LPO: variants seen among roughly 807,000 people sequenced by gnomAD.
LPO encodes the protein salivary peroxidase.
LPO carries 70 observed loss-of-function variants against 68.4 expected under a neutral mutation model. That is an observed-to-expected ratio of 1.02 (90% CI 0.84 to 1.25). LPO has a LOEUF of 1.25. Ranked by LOEUF, LPO falls within the 50% of genes most tolerant of loss-of-function variation. The pLI is 0.00. For synonymous variants in LPO, 360 were observed against 357.6 expected, an observed-to-expected ratio of 1.01 and a Z score of -0.08; for missense variants, 873 against 908.4, an observed-to-expected ratio of 0.96 and a Z score of 0.50.
intron 6 of LPO, 122 bp downstream of exon 6, chr17:58,249,817 C>T (rs1233947719): frequency 7.6e-7 from 1 of 1,319,962 alleles, no homozygotes; most frequent in Non-Finnish European, 9.9e-7. Context: ...CGATGGAGAT[C>T]TGCACAGACC....
At chr17:58,239,711 G>T (rs1437359303) in intron 1 of LPO, among the ~76,000 whole-genome samples, 1 of 152,078 alleles carries the variant, frequency 6.6e-6, no homozygotes, top group African/African-American at 2.4e-5. Flanking sequence ...GAAGGCCTTG[G>T]TACTCAGAGT....
chr17:58,245,564 G>C (rs1969838006), intron 3 of LPO, among the ~76,000 whole-genome samples: 1 of 152,116 alleles, frequency 6.6e-6, no homozygotes, highest in Admixed American at 6.5e-5. Flanking sequence ...AAGACTAGCA[G>C]CTTCGCCCTA....
intron 9 of LPO, among the ~76,000 whole-genome samples, chr17:58,263,894 G>T (rs566065336): frequency 6.6e-6 from 1 of 152,256 alleles, no homozygotes; most frequent in African/African-American, 2.4e-5. Context: ...GTGTTTGGGG[G>T]CTTCCCACTC....
chr17:58,266,844 C>G (rs8178405), intron 11 of LPO, among the ~76,000 whole-genome samples: 1 of 152,170 alleles, frequency 6.6e-6, no homozygotes, highest in Non-Finnish European at 1.5e-5. Context: ...ATATCTGGTA[C>G]TATCTTGGCA....
In LPO at chr17:58,252,364, C is replaced by T; in HGVS notation, c.963C>T (p.Arg321=). The T allele has an allele frequency of 6.2e-7, 1 of 1,614,216 alleles. No individual in the cohort carries two copies. The change falls in exon 8 of 13, where the codon CGC becomes CGT. Residue 321 remains arginine, a synonymous_variant. Transcript: ENST00000262290. ...SSEPSLASRL[R]NLSSPLGLMA... The stretch of plus-strand genomic sequence containing the variant: ...AGCCAAGCCTGGCCAGCCGCCTCCG[C>T]AACCTCAGCAGCCCCCTGGGCCTCA...
chr17:58,254,552 G>A (rs1370592399), intron 8 of LPO: 2 of 344,848 alleles, frequency 5.8e-6, no homozygotes, highest in East Asian at 5.2e-5. Context: ...CATTTTCATA[G>A]GTAAGGAGAC....
intron 9 of LPO, among the ~76,000 whole-genome samples, chr17:58,257,041 A>G (rs1598029071): frequency 9.0e-6 from 1 of 111,042 alleles, no homozygotes. Flanking sequence ...TCTGTTGCCC[A>G]GGCTTCCTCA....
intron 7 of LPO, chr17:58,251,939 C>A: frequency 1.4e-6 from 1 of 726,416 alleles, no homozygotes; most frequent in Non-Finnish European, 2.5e-6. Context: ...AAATTTGGAG[C>A]CCTCACTGTG....
At chr17:58,253,328 C>T (rs566512366) in intron 8 of LPO, among the ~76,000 whole-genome samples, 6 of 152,228 alleles carry the variant, frequency 3.9e-5, no homozygotes, top group African/African-American at 1.4e-4. Context: ...TTTCTCAATC[C>T]TACTTGGGGG....
In LPO at chr17:58,268,371, C is replaced by A. The variant is rs533880673; in HGVS notation, c.*377C>A. ...AGGACTTCAGCCTGCCTCCGAGGGT[C>A]CCCTGTGGCACCTAGCATGGTGCAC... On this transcript the variant is annotated 3_prime_UTR_variant, in exon 13 of 13. Coordinates refer to ENST00000262290, the MANE Select transcript of LPO (RefSeq NM_006151.3). The A allele has an allele frequency of 2.5e-4, 71 of 281,094 alleles. No individual in the cohort carries two copies. Among genetic ancestry groups the A allele is most frequent in the Middle Eastern group, 1.2e-3 (1 of 828 alleles). The allele number at this position is 281,094 out of a possible 1,614,324, so 17.4% of individuals were successfully genotyped here.
At position 58,253,727 on chromosome 17, in the gene LPO, A is replaced by G. The variant is rs544347326; in HGVS notation, c.1106-1084A>G. Reference sequence around the variant, plus strand: ...TATAGATCTTTTGGATTTTGTGTTCACATATATCCCACAGCAATCCAGACA... The same window carrying G: ...TATAGATCTTTTGGATTTTGTGTTCGCATATATCCCACAGCAATCCAGACA... On this transcript the variant is annotated intron_variant, in intron 8 of 12. Transcript: ENST00000262290. 1.1e-4 allele frequency among the ~76,000 whole-genome samples: 17 copies of G among 152,330 alleles called. No homozygotes were observed. The South Asian group carries it at 3.5e-3, about 32-fold the overall frequency.
Position 58,249,679 on chromosome 17 carries a change from G to A in LPO, c.557G>A (p.Gly186Asp), listed in dbSNP as rs775584287. 6 of 1,575,172 alleles carry A rather than the reference G, an allele frequency of 3.8e-6. No homozygotes were observed. Among genetic ancestry groups the A allele is most frequent in the Middle Eastern group, 2.1e-4 (1 of 4,782 alleles). Residue 186 changes from glycine (G) to aspartate (D), a missense_variant, in exon 6 of 13, where the codon GGC becomes GAC. Gly to Asp is a moderately conservative substitution (Grantham distance 94). Transcript: ENST00000262290. ...TGGACGCCGGGGAAGACGCGCAACG[G>A]CTTCCCTCTCCCGCTGGTGAGGGCA... ...FGWTPGKTRN[G>D]FPLPLAREVS...
intron 4 of LPO, among the ~76,000 whole-genome samples, chr17:58,248,588 A>G (rs1969894695): frequency 6.6e-6 from 1 of 152,102 alleles, no homozygotes; most frequent in Non-Finnish European, 1.5e-5. Context: ...CCTCACTGAA[A>G]AATTACCTGT....
At chr17:58,262,053 A>G (rs1367366173) in intron 9 of LPO, among the ~76,000 whole-genome samples, 1 of 152,240 alleles carries the variant, frequency 6.6e-6, no homozygotes, top group Non-Finnish European at 1.5e-5. Context: ...GAAAAAATTC[A>G]TGAGGTGGAA....
At chr17:58,239,797 C>G (rs1356659729) in intron 1 of LPO, among the ~76,000 whole-genome samples, 1 of 152,172 alleles carries the variant, frequency 6.6e-6, no homozygotes, top group African/African-American at 2.4e-5. Flanking sequence ...CTTCTATGAC[C>G]TTCTGAGTCA....
In LPO at chr17:58,246,958, T is replaced by A. The variant is rs1969862103; in HGVS notation, c.165-520T>A. Reference sequence around the variant, plus strand: ...GTACAAAGAGCTTAAGTAATTTGCCTCAAGGGCACACAACTAGAAAGTGGC... The same window carrying A: ...GTACAAAGAGCTTAAGTAATTTGCCACAAGGGCACACAACTAGAAAGTGGC... On this transcript the variant is annotated intron_variant, in intron 3 of 12. Transcript: ENST00000262290. Among the ~76,000 whole-genome samples, 3 of 152,322 alleles carry A rather than the reference T, an allele frequency of 2.0e-5. No individual in the cohort carries two copies. The South Asian group carries it at 6.2e-4, about 32-fold the overall frequency.
At position 58,268,176 on chromosome 17, in the gene LPO, C is replaced by T; in HGVS notation, c.*182C>T. 1 of 611,338 alleles carries T rather than the reference C, an allele frequency of 1.6e-6. No homozygotes were observed. The highest frequency in any genetic ancestry group is 2.9e-6 in the Non-Finnish European group (1 of 348,744). 37.9% of individuals were successfully genotyped at this position (611,338 alleles called of 1,614,324 possible). On this transcript the variant is annotated 3_prime_UTR_variant, in exon 13 of 13. Coordinates refer to ENST00000262290, the MANE Select transcript of LPO (RefSeq NM_006151.3). ...GGTGGCTGCCTCGGCCCTCCCAGCT[C>T]TTACACTCAGCTCCAGTGGCTTCTC...
rs771390135 is a variant in LPO at position 58,244,029 on chromosome 17, G to C, written c.112G>C (p.Val38Leu). ...CAGAACCTCTGCCATCTCCGATACT[G>C]TGAGTCAGGCCAAGGTCCAAGTCAA... ...TTRTSAISDTVSQAKVQVNKA... is the reference protein window; with the variant it reads ...TTRTSAISDTLSQAKVQVNKA... Residue 38 changes from valine (V) to leucine (L), a missense_variant, in exon 3 of 13, where the codon GTG (valine) becomes CTG (leucine). Transcript: ENST00000262290. The C allele has an allele frequency of 1.2e-6, 2 of 1,613,670 alleles. No individual in the cohort carries two copies. The highest frequency in any genetic ancestry group is 2.2e-5 in the South Asian group (2 of 91,054).
At chr17:58,254,152 T>TATATATAGATAG (rs1555605280) in intron 8 of LPO, among the ~76,000 whole-genome samples, 4 of 133,322 alleles carry the variant, frequency 3.0e-5, no homozygotes, top group African/African-American at 8.9e-5. Flanking sequence ...TATATAGATA[T>TATATATAGATAG]ATAGATAGAT....
Sources: gnomAD v4.1 joint callset for allele counts (sites outside exome capture counted in the v4.1 genomes callset) on GRCh38, gnomAD v4.1.1 for gene constraint, MANE v1.5 for transcripts, NCBI Gene and HGNC (gene_info 2026-07-23, HGNC 2026-07-21) for gene names.